The following DMBT1 variants were observed in gnomAD, a reference collection of about 807,000 sequenced individuals.
DMBT1 encodes the protein deleted in malignant brain tumors 1, also known as scavenger receptor cysteine-rich domain-containing protein DMBT1.
In DMBT1, 198 loss-of-function variants were observed where a neutral mutation model predicts 252.9. The ratio of observed to expected loss-of-function variants is 0.78; its 90% CI spans 0.70 to 0.88. The LOEUF (loss-of-function observed/expected upper bound fraction) is 0.88. DMBT1 is among the 40% of genes least tolerant of loss of function. The probability of loss-of-function intolerance (pLI) is 0.00; values close to 1 mark genes in which losing one functional copy is unlikely to be tolerated. For synonymous variants in DMBT1, 990 were observed against 942.7 expected, an observed-to-expected ratio of 1.05 and a Z score of -0.92; for missense variants, 2,432 against 2,404.7, an observed-to-expected ratio of 1.01 and a Z score of -0.24.
chr10:122,585,782 A>T (rs867361587), intron 15 of DMBT1, among the ~76,000 whole-genome samples: 1 of 148,556 alleles, frequency 6.7e-6, no homozygotes, highest in Non-Finnish European at 1.5e-5. Context: ...GTAGCTGTGT[A>T]GCTCCATCCT....
chr10:122,618,354 A>G lies in DMBT1; in HGVS notation c.5215+14A>G, dbSNP rs2098021257. The G allele has an allele frequency of 6.2e-7, 1 of 1,613,712 alleles. No homozygotes were observed. Among genetic ancestry groups the G allele is most frequent in the Non-Finnish European group, 8.5e-7 (1 of 1,179,772 alleles). On this transcript the variant is annotated intron_variant, in intron 41 of 55. Coordinates refer to ENST00000338354, the MANE Select transcript of DMBT1 (RefSeq NM_001377530.1). ...TCATCTGCTCAGGTGGGCTTTCAAGACCTTGGGCTCCCTCTCTTAAGTTGA... is the reference window on the plus strand; with the variant it reads ...TCATCTGCTCAGGTGGGCTTTCAAGGCCTTGGGCTCCCTCTCTTAAGTTGA...
rs754600183 is a variant in DMBT1, at chr10:122,643,356, C to T, written c.7587C>T (p.Ile2529=). 1 of 1,613,810 alleles carries T rather than the reference C, an allele frequency of 6.2e-7. No individual in the cohort carries two copies. Among genetic ancestry groups the T allele is most frequent in the African/African-American group, 1.3e-5 (1 of 74,898 alleles). Residue 2529 remains isoleucine (I), a synonymous_variant, in exon 56 of 56, where the codon ATC becomes ATT. Transcript: ENST00000338354. The part of the protein sequence containing the change: ...QEKVDVVLGP[I]QLQTPPRREE... ...AGGTGGACGTCGTCCTGGGTCCCAT[C>T]CAGCTGCAGACCCCCCCACGCCGAG...
intron 9 of DMBT1, among the ~76,000 whole-genome samples, chr10:122,579,315 C>T (rs995700356): frequency 1.3e-5 from 2 of 152,080 alleles, no homozygotes; most frequent in Admixed American, 6.5e-5. Context: ...CTCTGTGTAC[C>T]CAACTGGGGA....
At chr10:122,579,552 T>C in intron 9 of DMBT1, 26 bp from the exon 10 acceptor site, 1 of 1,612,230 alleles carries the variant, frequency 6.2e-7, no homozygotes, top group Non-Finnish European at 8.5e-7. Context: ...TAGGGATGGA[T>C]GAAGGGTTCT....
At chr10:122,599,202 T>C in intron 26 of DMBT1, 105 bp downstream of exon 26, 3 of 1,569,050 alleles carry the variant, frequency 1.9e-6, no homozygotes, top group South Asian at 2.4e-5. Context: ...TTCTATGTTT[T>C]CTATATTTCT....
At chr10:122,627,958 G>A (rs143572373) in intron 46 of DMBT1, among the ~76,000 whole-genome samples, 12 of 152,334 alleles carry the variant, frequency 7.9e-5, no homozygotes, top group Admixed American at 1.3e-4. Flanking sequence ...GTCATTAGCC[G>A]TCAGGGTCAT....
At position 122,620,289 on chromosome 10, in the gene DMBT1, T is replaced by C. The variant is rs1353080240; in HGVS notation, c.5282T>C (p.Val1761Ala). 1 of 1,613,964 alleles carries C rather than the reference T, an allele frequency of 6.2e-7. No homozygotes were observed. The highest frequency in any genetic ancestry group is 1.1e-5 in the South Asian group (1 of 91,080). The change falls in exon 43 of 56, where the codon GTA becomes GCA. Residue 1761 changes from valine to alanine, a missense_variant and splice_region_variant. Physicochemically the swap from Val to Ala is moderately conservative, Grantham distance 64. Around this residue, in one of 3 missense-constraint regions of DMBT1, gnomAD observed 1,162 missense variants for 1,169.0 expected, o/e 0.99. Transcript: ENST00000338354. ...WLTTNLPALTVGSESSLALRL... is the reference protein window; with the variant it reads ...WLTTNLPALTAGSESSLALRL... ...ACCACCAACTTACCGGCATTGACAG[T>C]AGGTAAATAATCCTCTCGCCCCTCC...
Position 122,592,525 on chromosome 10 carries a change from G to C in DMBT1, c.2430G>C (p.Trp810Cys), listed in dbSNP as rs1326178496. Residue 810 changes from tryptophan (W) to cysteine (C), a missense_variant, in exon 20 of 56, where the codon TGG becomes TGC. Physicochemically the swap from Trp to Cys is radical, Grantham distance 215 (BLOSUM62 -2). Transcript: ENST00000338354. ...GCTCAGGACACGAGTCCTACCTGTG[G>C]AGCTGCCCCCACAATGGCTGGCTCT... ...VRCSGHESYL[W>C]SCPHNGWLSH... 3 of 1,588,062 alleles carry C rather than the reference G, an allele frequency of 1.9e-6. No homozygotes were observed. The highest frequency in any genetic ancestry group is 2.6e-6 in the Non-Finnish European group (3 of 1,165,620).
chr10:122,599,651 C>T (rs975151536), intron 26 of DMBT1, among the ~76,000 whole-genome samples: 2 of 152,154 alleles, frequency 1.3e-5, no homozygotes, highest in Admixed American at 6.5e-5. Context: ...TTGCCTGTGC[C>T]CCAGGTCTGG....
At chr10:122,564,941 C>G (rs1169204345) in intron 1 of DMBT1, among the ~76,000 whole-genome samples, 1 of 152,096 alleles carries the variant, frequency 6.6e-6, no homozygotes, top group Non-Finnish European at 1.5e-5. Context: ...GTTTTCTTCT[C>G]TTTGCCATCA....
chr10:122,578,575 C>T (rs2097733976), intron 8 of DMBT1, 143 bp from the exon 9 acceptor site: 1 of 708,912 alleles, frequency 1.4e-6, no homozygotes, highest in Non-Finnish European at 2.5e-6. Flanking sequence ...GGCAGGAGAC[C>T]TGGGCAGACA....
chr10:122,580,122 T>A (rs1436782758), intron 10 of DMBT1, among the ~76,000 whole-genome samples: 4 of 152,172 alleles, frequency 2.6e-5, no homozygotes, highest in Admixed American at 2.6e-4. Flanking sequence ...TTTTTCCCCT[T>A]CCTGAGGCAA....
intron 53 of DMBT1, among the ~76,000 whole-genome samples, chr10:122,636,887 A>G (rs1029968267): frequency 6.6e-6 from 1 of 152,214 alleles, no homozygotes; most frequent in African/African-American, 2.4e-5. Context: ...CCTGCCTCCA[A>G]TTCTCCATCA....
chr10:122,592,208 G>A (rs2097854802), intron 19 of DMBT1, 64 bp from the exon 20 acceptor site: 1 of 1,566,464 alleles, frequency 6.4e-7, no homozygotes, highest in Non-Finnish European at 8.7e-7. Flanking sequence ...CCTGAGTGTG[G>A]AACGTGCCTT....
In DMBT1 at chr10:122,633,306, C is replaced by G. The variant is rs1481324786; in HGVS notation, c.6513C>G (p.Asn2171Lys). Residue 2171 changes from asparagine to lysine, a missense_variant, in exon 52 of 56, where the codon AAC (asparagine) becomes AAG (lysine). By Grantham distance (94) the Asn-to-Lys change is moderately conservative (BLOSUM62 0). This residue lies in a region of DMBT1 where 1,162 missense variants were observed against 1,169.0 expected (regional missense o/e 0.99). Transcript: ENST00000338354. ...AKCVWDIEVQ[N>K]NYRVTVIFRD... ...GTGTGTGGGACATTGAGGTGCAAAA[C>G]AACTACCGTGTGACTGTGATCTTCA... 6.2e-7 allele frequency: 1 copy of G among 1,613,978 alleles called. No individual in the cohort carries two copies. Among genetic ancestry groups the G allele is most frequent in the Admixed American group, 1.7e-5 (1 of 60,016 alleles).
In DMBT1 at chr10:122,591,503, C is replaced by T. The variant is rs1275166548; in HGVS notation, c.2162C>T (p.Pro721Leu). The T allele has an allele frequency of 6.3e-7, 1 of 1,587,256 alleles. No individual in the cohort carries two copies. The highest frequency in any genetic ancestry group is 1.7e-5 in the Admixed American group (1 of 59,528). Residue 721 changes from proline to leucine, a missense_variant, in exon 19 of 56, where the codon CCT becomes CTT. By Grantham distance (98) the Pro-to-Leu change is moderately conservative. Coordinates refer to ENST00000338354, the MANE Select transcript of DMBT1 (RefSeq NM_001377530.1). ...GACACGTTGTCGACCATCACGTTAC[C>T]TCCATCGACAGTAGGTAAATAATCC... ...RPDTLSTITL[P>L]PSTVGSESSL...
At chr10:122,634,789 G>T (rs79203309) in intron 52 of DMBT1, among the ~76,000 whole-genome samples, 1 of 152,130 alleles carries the variant, frequency 6.6e-6, no homozygotes, top group Non-Finnish European at 1.5e-5. Flanking sequence ...GAGCCACCAT[G>T]CCTGATGTCA....
intron 43 of DMBT1, 128 bp downstream of exon 43, chr10:122,620,419 A>C (rs1030095222): frequency 1.8e-6 from 2 of 1,120,692 alleles, no homozygotes; most frequent in Admixed American, 2.1e-5. Context: ...TTGCCTGGGG[A>C]GGTAGACTCC....
rs750760735 is a variant in DMBT1 at position 122,621,275 on chromosome 10, G to T, written c.5503G>T (p.Asp1835Tyr). Residue 1835 changes from aspartate to tyrosine, a missense_variant, in exon 44 of 56, where the codon GAT (aspartate) becomes TAT (tyrosine). Around this residue, in one of 3 missense-constraint regions of DMBT1, gnomAD observed 1,162 missense variants for 1,169.0 expected, o/e 0.99. Coordinates refer to ENST00000338354, the MANE Select transcript of DMBT1 (RefSeq NM_001377530.1). ...GQGSGPIVLD[D>Y]VRCSGNESYL... ...GGGCTCAGGACCCATTGTCCTGGATGATGTGCGCTGCTCAGGGAATGAGTC... is the reference window on the plus strand; with the variant it reads ...GGGCTCAGGACCCATTGTCCTGGATTATGTGCGCTGCTCAGGGAATGAGTC... 8.7e-6 allele frequency: 14 copies of T among 1,613,844 alleles called. No homozygotes were observed. Among genetic ancestry groups the T allele is most frequent in the Non-Finnish European group, 1.2e-5 (14 of 1,179,760 alleles).
Sources: allele counts gnomAD v4.1 joint callset (sites outside exome capture counted in the v4.1 genomes callset), GRCh38; gene constraint gnomAD v4.1.1; regional missense constraint gnomAD v4.1.1; transcripts MANE v1.5; gene names NCBI Gene and HGNC (gene_info 2026-07-23, HGNC 2026-07-21).